PCDHGA4: variants seen among roughly 807,000 people sequenced by gnomAD.
PCDHGA4 encodes protocadherin gamma subfamily A, 4.
A neutral mutation model predicts 54.6 loss-of-function variants in PCDHGA4; 38 were observed. The ratio of observed to expected loss-of-function variants is 0.70; its 90% CI spans 0.54 to 0.91. The LOEUF is 0.91. Ranked by LOEUF, PCDHGA4 falls within the 40% of genes least tolerant of loss-of-function variation. PCDHGA4 has a pLI of 0.00. For missense variants in PCDHGA4, 1,298 were observed against 1,220.9 expected (o/e 1.06, Z -0.94); for synonymous variants, 511 against 512.9 (o/e 1.00, Z 0.05).
intron 1 of PCDHGA4, chr5:141,440,534 C>A (rs562736984): frequency 1.3e-5 from 2 of 152,188 alleles, no homozygotes; most frequent in East Asian, 3.9e-4. Flanking sequence ...TCATGCACCA[C>A]GGTTCAGCAG....
intron 1 of PCDHGA4, chr5:141,372,106 G>T: frequency 6.2e-7 from 1 of 1,613,828 alleles, no homozygotes; most frequent in Non-Finnish European, 8.5e-7. Flanking sequence ...GGGCCCGAAG[G>T]CTCTGCGCTC....
chr5:141,366,064 G>C (rs761173450), intron 1 of PCDHGA4: 2 of 1,614,106 alleles, frequency 1.2e-6, no homozygotes, highest in Non-Finnish European at 1.7e-6. Flanking sequence ...TGGAGCTGGC[G>C]CCTCGCTCCG....
chr5:141,423,488 ATTC>A, intron 1 of PCDHGA4: 1 of 1,613,954 alleles, frequency 6.2e-7, no homozygotes, highest in Non-Finnish European at 8.5e-7. Flanking sequence ...CTGCAAACCT[ATTC>A]CCACGAGGTC....
chr5:141,387,718 T>G, intron 1 of PCDHGA4: 1 of 1,099,216 alleles, frequency 9.1e-7, no homozygotes, highest in South Asian at 1.7e-5. Context: ...CAGCTCAGAC[T>G]CCCCAGCGCC....
At chr5:141,446,767 G>T (rs891355909) in intron 1 of PCDHGA4, among the ~76,000 whole-genome samples, 1 of 152,118 alleles carries the variant, frequency 6.6e-6, no homozygotes, top group African/African-American at 2.4e-5. Flanking sequence ...GCGCCCAGCC[G>T]GTTACCATTC....
At chr5:141,391,149 G>C (rs1487749660) in intron 1 of PCDHGA4, 1 of 152,032 alleles carries the variant, frequency 6.6e-6, no homozygotes, top group Non-Finnish European at 1.5e-5. Context: ...CTCTAGGAAA[G>C]AAATATAGTC....
rs1394490963 is a variant in PCDHGA4 at position 141,393,307 on chromosome 5, A to G, written c.2514+35686A>G. On this transcript the variant is annotated intron_variant, in intron 1 of 3. Coordinates refer to ENST00000571252, the MANE Select transcript of PCDHGA4 (RefSeq NM_018917.4). ...GCTGTTGACCCGGATGTGGGCGTGAACTCCCTCCAGAGCTACCAGCTCAGC... is the reference window on the plus strand; with the variant it reads ...GCTGTTGACCCGGATGTGGGCGTGAGCTCCCTCCAGAGCTACCAGCTCAGC... 4 of 1,613,476 alleles carry G rather than the reference A, an allele frequency of 2.5e-6. No homozygotes were observed. The highest frequency in any genetic ancestry group is 3.3e-5 in the Admixed American group (2 of 59,966).
chr5:141,509,148 C>T (rs1345910772), intron 3 of PCDHGA4, among the ~76,000 whole-genome samples: 1 of 152,198 alleles, frequency 6.6e-6, no homozygotes, highest in Non-Finnish European at 1.5e-5. Context: ...CATCCCGGCT[C>T]TCCCCTCCCG....
At position 141,383,836 on chromosome 5, in the gene PCDHGA4, G is replaced by T. The variant is rs753167153; in HGVS notation, c.2514+26215G>T. On this transcript the variant is annotated intron_variant, in intron 1 of 3. Coordinates refer to ENST00000571252, the MANE Select transcript of PCDHGA4 (RefSeq NM_018917.4). ...AGAAGGATTAGATTATGAAGAAACT[G>T]CCTTCTATGAAATGGAGGTTCAGGC... 7 of 1,613,756 alleles carry T rather than the reference G, an allele frequency of 4.3e-6. No individual in the cohort carries two copies. The South Asian group carries it at 5.5e-5, about 13-fold the overall frequency.
At chr5:141,413,724 C>T (rs751084568) in intron 1 of PCDHGA4, 2 of 1,613,426 alleles carry the variant, frequency 1.2e-6, no homozygotes, top group East Asian at 2.2e-5. Context: ...AGCACTTCTC[C>T]CTAAGAGTTC....
intron 1 of PCDHGA4, chr5:141,382,898 C>T (rs938652730): frequency 6.5e-7 from 1 of 1,541,064 alleles, no homozygotes. Context: ...AGCAGGACGA[C>T]TATGGCGGCT....
chr5:141,477,970 T>G lies in PCDHGA4; in HGVS notation c.2515-16837T>G. ...TCTTGGGATCCCCTAACCAGAGCCTTTTTGCCATAGGGCTGCACACTGGTC... is the reference window on the plus strand; with the variant it reads ...TCTTGGGATCCCCTAACCAGAGCCTGTTTGCCATAGGGCTGCACACTGGTC... On this transcript the variant is annotated intron_variant, in intron 1 of 3. Coordinates refer to ENST00000571252, the MANE Select transcript of PCDHGA4 (RefSeq NM_018917.4). This position sits in a 1 kb window ranked among gnomAD's most constrained non-coding sequence, Gnocchi z 4.9. 1 of 1,614,090 alleles carries G rather than the reference T, an allele frequency of 6.2e-7. No homozygotes were observed. The highest frequency in any genetic ancestry group is 8.5e-7 in the Non-Finnish European group (1 of 1,180,002).
intron 1 of PCDHGA4, chr5:141,372,614 C>T: frequency 1.2e-6 from 2 of 1,613,984 alleles, no homozygotes; most frequent in East Asian, 4.5e-5. Context: ...CTGGAGTTCT[C>T]CCCACCTACA....
At chr5:141,372,279 G>C in intron 1 of PCDHGA4, 1 of 1,613,176 alleles carries the variant, frequency 6.2e-7, no homozygotes, top group Non-Finnish European at 8.5e-7. Flanking sequence ...GGTGCGCACG[G>C]CGCGTACCTT....
At chr5:141,497,553 T>C (rs2099777684) in intron 2 of PCDHGA4, among the ~76,000 whole-genome samples, 1 of 151,326 alleles carries the variant, frequency 6.6e-6, no homozygotes, top group South Asian at 2.1e-4. Context: ...TTTTTTTTTT[T>C]TTTTTAGACA....
chr5:141,363,768 C>T (rs944933090), intron 1 of PCDHGA4, among the ~76,000 whole-genome samples: 2 of 152,094 alleles, frequency 1.3e-5, no homozygotes, highest in African/African-American at 2.4e-5. Flanking sequence ...CAAATAAGCA[C>T]GTTTTCCTAA....
chr5:141,408,279 A>G (rs1313502495), intron 1 of PCDHGA4: 1 of 1,612,184 alleles, frequency 6.2e-7, no homozygotes, highest in Admixed American at 1.7e-5. Flanking sequence ...CCTTTGTTCT[A>G]CCCCACCCTG....
intron 1 of PCDHGA4, chr5:141,361,738 C>G (rs1860251): frequency 2.5e-6 from 4 of 1,613,022 alleles, no homozygotes; most frequent in Non-Finnish European, 3.4e-6. Flanking sequence ...ACTGCAGGCC[C>G]GCGACCAGGG....
chr5:141,396,870 A>G (rs536206475), intron 1 of PCDHGA4, among the ~76,000 whole-genome samples: 3 of 152,328 alleles, frequency 2.0e-5, no homozygotes, highest in African/African-American at 7.2e-5. Flanking sequence ...TACCATTTGG[A>G]TGCACATTTG....
Sources: allele counts gnomAD v4.1 joint callset (sites outside exome capture counted in the v4.1 genomes callset), GRCh38; gene constraint gnomAD v4.1.1; non-coding constraint Gnocchi (gnomAD v3.1); transcripts MANE v1.5; gene names NCBI Gene and HGNC (gene_info 2026-07-23, HGNC 2026-07-21).